GPR158: variants seen among roughly 807,000 people sequenced by gnomAD.
GPR158 encodes the protein metabotropic glycine receptor.
A neutral mutation model predicts 78.2 loss-of-function variants in GPR158; 30 were observed. The ratio of observed to expected loss-of-function variants is 0.38; its 90% CI spans 0.29 to 0.52. The LOEUF (loss-of-function observed/expected upper bound fraction) is 0.52. GPR158 is among the 20% of genes least tolerant of loss of function. The pLI, the probability that GPR158 is intolerant of heterozygous loss-of-function variation, is 0.83. For missense variants in GPR158, 1,463 were observed against 1,523.5 expected (o/e 0.96, Z 0.66); for synonymous variants, 581 against 591.1 (o/e 0.98, Z 0.25).
At chr10:25,592,606 T>C (rs1207508000) in intron 8 of GPR158, among the ~76,000 whole-genome samples, 2 of 152,064 alleles carry the variant, frequency 1.3e-5, no homozygotes, top group South Asian at 4.1e-4. Flanking sequence ...TTGAGAGTGA[T>C]GTCTGTATAT....
chr10:25,259,827 T>A (rs1385424932), intron 2 of GPR158, among the ~76,000 whole-genome samples: 1 of 152,132 alleles, frequency 6.6e-6, no homozygotes, highest in Non-Finnish European at 1.5e-5. Flanking sequence ...CTATCTACTT[T>A]ATTTTTGTGT....
chr10:25,490,437 C>G (rs1472546723), intron 5 of GPR158, among the ~76,000 whole-genome samples: 1 of 65,906 alleles, frequency 1.5e-5, no homozygotes, highest in Non-Finnish European at 2.9e-5. Context: ...TGCTATCCCT[C>G]CCCCCTCCCC....
intron 2 of GPR158, among the ~76,000 whole-genome samples, chr10:25,335,436 T>C (rs1261475951): frequency 1.3e-5 from 2 of 152,134 alleles, no homozygotes; most frequent in Admixed American, 6.5e-5. Context: ...CTTTTATATG[T>C]TGAATCTGTA....
At chr10:25,361,474 A>G (rs1033449150) in intron 2 of GPR158, among the ~76,000 whole-genome samples, 2 of 151,972 alleles carry the variant, frequency 1.3e-5, no homozygotes, top group African/African-American at 2.4e-5. Context: ...GCAGGATCAT[A>G]TGGTAATTAT....
At chr10:25,491,081 A>G (rs1299057535) in intron 5 of GPR158, among the ~76,000 whole-genome samples, 1 of 152,150 alleles carries the variant, frequency 6.6e-6, no homozygotes, top group Non-Finnish European at 1.5e-5. Flanking sequence ...TGAAGAATTG[A>G]GCTTTGTGAT....
intron 6 of GPR158, among the ~76,000 whole-genome samples, chr10:25,571,153 T>C (rs1837001816): frequency 6.6e-6 from 1 of 152,118 alleles, no homozygotes; most frequent in African/African-American, 2.4e-5. Flanking sequence ...CTTAATATAT[T>C]GCATATACAG....
At chr10:25,199,634 AGTTCTCATGAGATCTGATG>A (rs1852892935) in intron 1 of GPR158, among the ~76,000 whole-genome samples, 1 of 151,916 alleles carries the variant, frequency 6.6e-6, no homozygotes, top group African/African-American at 2.4e-5. Context: ...ATAGTGAGTA[AGTTCTCATGAGATCTGATG>A]GTTTAACAGT....
intron 5 of GPR158, among the ~76,000 whole-genome samples, chr10:25,487,217 C>T (rs1835746529): frequency 1.3e-5 from 2 of 152,040 alleles, no homozygotes; most frequent in Non-Finnish European, 2.9e-5. Flanking sequence ...GTCTCTGAGA[C>T]ATTCTAATAT....
At chr10:25,233,232 G>A (rs560841637) in intron 2 of GPR158, among the ~76,000 whole-genome samples, 2 of 152,316 alleles carry the variant, frequency 1.3e-5, no homozygotes, top group East Asian at 3.9e-4. Flanking sequence ...AGGAAAGAGG[G>A]CTGTCCCTCA....
chr10:25,591,355 C>A (rs1194818312), intron 8 of GPR158, among the ~76,000 whole-genome samples: 2 of 152,116 alleles, frequency 1.3e-5, no homozygotes, highest in East Asian at 3.9e-4. Flanking sequence ...TGTTTTTCTA[C>A]TGATTCAAGG....
chr10:25,549,445 G>A (rs566938701), intron 5 of GPR158, among the ~76,000 whole-genome samples: 2 of 151,216 alleles, frequency 1.3e-5, no homozygotes, highest in African/African-American at 4.8e-5. Context: ...TGTGAAAACA[G>A]TAAAAACAGG....
intron 5 of GPR158, among the ~76,000 whole-genome samples, chr10:25,509,860 T>G (rs1286261515): frequency 6.6e-6 from 1 of 152,154 alleles, no homozygotes; most frequent in Non-Finnish European, 1.5e-5. Context: ...ACTATAAGTG[T>G]GTGCCACTGC....
chr10:25,205,134 C>T (rs1289909404), intron 1 of GPR158, among the ~76,000 whole-genome samples: 1 of 152,130 alleles, frequency 6.6e-6, no homozygotes, highest in East Asian at 1.9e-4. Flanking sequence ...GAGGCCTCCC[C>T]AGCCATGTGG....
At chr10:25,591,992 G>A (rs1024785802) in intron 8 of GPR158, among the ~76,000 whole-genome samples, 2 of 151,892 alleles carry the variant, frequency 1.3e-5, no homozygotes, top group African/African-American at 2.4e-5. Context: ...ACTTATACAT[G>A]TGATGGTTCA....
At chr10:25,482,804 C>T (rs2130638093) in intron 5 of GPR158, among the ~76,000 whole-genome samples, 1 of 152,208 alleles carries the variant, frequency 6.6e-6, no homozygotes, top group East Asian at 1.9e-4. Flanking sequence ...TGAAACTTAA[C>T]TTCTAATCCC....
At chr10:25,528,786 A>T (rs1836385499) in intron 5 of GPR158, among the ~76,000 whole-genome samples, 1 of 152,212 alleles carries the variant, frequency 6.6e-6, no homozygotes, top group Non-Finnish European at 1.5e-5. Context: ...TTTATATAGA[A>T]AATAAATGAT....
chr10:25,296,413 A>G (rs745451373), intron 2 of GPR158, among the ~76,000 whole-genome samples: 1 of 152,102 alleles, frequency 6.6e-6, no homozygotes, highest in Non-Finnish European at 1.5e-5. Context: ...CCTATTAGAT[A>G]CCGTTTCACT....
chr10:25,240,392 C>T (rs1479234340), intron 2 of GPR158, among the ~76,000 whole-genome samples: 1 of 152,042 alleles, frequency 6.6e-6, no homozygotes, highest in East Asian at 1.9e-4. Flanking sequence ...GCCTGTAATC[C>T]CAGCTACTTG....
Position 25,176,421 on chromosome 10 carries a change from C to G in GPR158, c.902+99C>G. On this transcript the variant is annotated intron_variant, in intron 1 of 10. Coordinates refer to ENST00000376351, the MANE Select transcript of GPR158 (RefSeq NM_020752.3). This position sits in a 1 kb window ranked among gnomAD's most constrained non-coding sequence, Gnocchi z 6.3. ...GTGAGGAAGGAACCCTTGGCTGTGA[C>G]GCGAACGCTTCTCACCCTCAGAGTA... The G allele has an allele frequency of 1.0e-6, 1 of 963,636 alleles. No individual in the cohort carries two copies. Among genetic ancestry groups the G allele is most frequent in the Non-Finnish European group, 1.5e-6 (1 of 663,298 alleles). The allele number at this position is 963,636 out of a possible 1,614,324, so 59.7% of individuals were successfully genotyped here.
Sources: allele counts gnomAD v4.1 joint callset (sites outside exome capture counted in the v4.1 genomes callset), GRCh38; gene constraint gnomAD v4.1.1; non-coding constraint Gnocchi (gnomAD v3.1); transcripts MANE v1.5; gene names NCBI Gene and HGNC (gene_info 2026-07-23, HGNC 2026-07-21).